Variants in UGT2B4 observed in about 807,000 individuals in gnomAD.
UGT2B4 encodes the protein UDP glucuronosyltransferase family 2 member B4, also known as UDP-glucuronosyltransferase 2B4.
UGT2B4 carries 49 observed loss-of-function variants against 49.8 expected under a neutral mutation model. That is an observed-to-expected ratio of 0.98 (90% CI 0.78 to 1.25). The LOEUF is 1.25. UGT2B4 is among the 50% of genes most tolerant of loss of function. The pLI is 0.00. For synonymous variants in UGT2B4, 246 were observed against 217.7 expected (o/e 1.13, Z -1.14); for missense variants, 729 against 627.7 (o/e 1.16, Z -1.73).
intron 5 of UGT2B4, among the ~76,000 whole-genome samples, chr4:69,481,878 G>T (rs762824616): frequency 6.6e-6 from 1 of 152,076 alleles, no homozygotes; most frequent in Non-Finnish European, 1.5e-5. Flanking sequence ...TGTTTCCCAC[G>T]CAGTAGCCAG....
At chr4:69,510,133 G>A (rs1728571113) in intron 1 of UGT2B4, among the ~76,000 whole-genome samples, 1 of 152,028 alleles carries the variant, frequency 6.6e-6, no homozygotes, top group Non-Finnish European at 1.5e-5. Flanking sequence ...AATGTACTTG[G>A]CATTCTTGTT....
At chr4:69,524,019 A>C (rs1728905668) in intron 1 of UGT2B4, among the ~76,000 whole-genome samples, 1 of 152,088 alleles carries the variant, frequency 6.6e-6, no homozygotes, top group Admixed American at 6.5e-5. Context: ...ACATATTCAA[A>C]AGAGCTAGAG....
upstream of UGT2B4, among the ~76,000 whole-genome samples, chr4:69,499,580 C>T (rs113740790): frequency 1.8e-4 from 27 of 152,264 alleles, 1 homozygote; most frequent in African/African-American, 6.0e-4. Context: ...GGATAGTTAG[C>T]TCTTCTTGTT....
chr4:69,493,908 G>T (rs1728070138), intron 1 of UGT2B4, 67 bp from the exon 2 acceptor site: 1 of 1,533,474 alleles, frequency 6.5e-7, no homozygotes, highest in South Asian at 1.3e-5. Context: ...TTTTCTGAAA[G>T]AAGTTAGAAT....
chr4:69,507,672 C>T (rs1453439050), intron 1 of UGT2B4, among the ~76,000 whole-genome samples: 1 of 152,116 alleles, frequency 6.6e-6, no homozygotes, highest in Non-Finnish European at 1.5e-5. Flanking sequence ...AACACTAGAA[C>T]TGGATCCCGT....
intron 5 of UGT2B4, among the ~76,000 whole-genome samples, chr4:69,484,535 C>T (rs1477054808): frequency 6.6e-6 from 1 of 151,982 alleles, no homozygotes; most frequent in Non-Finnish European, 1.5e-5. Context: ...AAGTCATTTA[C>T]ACATCATAAA....
chr4:69,514,434 A>G (rs1348231594), intron 1 of UGT2B4, among the ~76,000 whole-genome samples: 1 of 152,076 alleles, frequency 6.6e-6, no homozygotes, highest in Non-Finnish European at 1.5e-5. Context: ...CTCTCTTCCT[A>G]TTGGAATACC....
intron 1 of UGT2B4, among the ~76,000 whole-genome samples, chr4:69,516,400 A>G (rs770931963): frequency 6.6e-6 from 1 of 152,144 alleles, no homozygotes; most frequent in Non-Finnish European, 1.5e-5. Flanking sequence ...TCTTTGAGGA[A>G]TTGCCTCACT....
intron 1 of UGT2B4, among the ~76,000 whole-genome samples, chr4:69,511,138 C>T (rs753026558): frequency 7.9e-5 from 12 of 151,722 alleles, no homozygotes; most frequent in Non-Finnish European, 1.5e-4. Flanking sequence ...ATTACAAGTG[C>T]ATGCCACCAC....
At chr4:69,486,245 T>C (rs1427252232) in intron 4 of UGT2B4, among the ~76,000 whole-genome samples, 1 of 152,146 alleles carries the variant, frequency 6.6e-6, no homozygotes, top group Non-Finnish European at 1.5e-5. Flanking sequence ...TCCCTGGTGA[T>C]AGCAGAAGAG....
Position 69,486,649 on chromosome 4 carries a change from A to G in UGT2B4, c.1050T>C (p.Asn350=). Residue 350 remains asparagine (N), a synonymous_variant, in exon 4 of 6, where the codon AAT becomes AAC. Coordinates refer to ENST00000305107, the MANE Select transcript of UGT2B4 (RefSeq NM_021139.3). ...DGNKPDTLGL[N]TRLYKWIPQN... Reference sequence around the variant, plus strand: ...GGGGTATCCACTTGTACAGCCGAGTATTGAGTCCTAAAGTATCTGGTTTAT... The same window carrying G: ...GGGGTATCCACTTGTACAGCCGAGTGTTGAGTCCTAAAGTATCTGGTTTAT... The G allele has an allele frequency of 3.1e-6, 5 of 1,609,194 alleles. No homozygotes were observed. In the Middle Eastern group the frequency reaches 6.6e-4, roughly 213 times the overall value.
chr4:69,517,859 C>G (rs1412178294), intron 1 of UGT2B4: 2 of 171,884 alleles, frequency 1.2e-5, no homozygotes, highest in Non-Finnish European at 2.9e-5. Context: ...GAGCTTCACT[C>G]AATATTGCCA....
intron 1 of UGT2B4, among the ~76,000 whole-genome samples, chr4:69,511,268 G>A (rs946908882): frequency 6.6e-6 from 1 of 152,032 alleles, no homozygotes; most frequent in Non-Finnish European, 1.5e-5. Context: ...GGGATTACAG[G>A]CTTGAGCCAC....
intron 1 of UGT2B4, among the ~76,000 whole-genome samples, chr4:69,521,590 C>T (rs1173475900): frequency 6.6e-6 from 1 of 152,218 alleles, no homozygotes; most frequent in Non-Finnish European, 1.5e-5. Context: ...TCTACACATG[C>T]CTCAGTACTT....
rs377321777 is a variant in UGT2B4, at chr4:69,495,424, A to G, written c.438T>C (p.Asp146=). Residue 146 remains aspartate (D), a synonymous_variant, in exon 1 of 6, where the codon GAT becomes GAC. Coordinates refer to ENST00000305107, the MANE Select transcript of UGT2B4 (RefSeq NM_021139.3). Reference sequence around the variant, plus strand: ...GGAAAACAGCATCTGCAAGAACAACATCAAATCTTGACTCCTGTAGTTTCT... The same window carrying G: ...GGAAAACAGCATCTGCAAGAACAACGTCAAATCTTGACTCCTGTAGTTTCT... ...LMKKLQESRF[D]VVLADAVFPF... 568 of 1,613,974 alleles carry G rather than the reference A, an allele frequency of 3.5e-4. 2 individuals carry two copies. Among genetic ancestry groups the G allele is most frequent in the Middle Eastern group, 3.0e-3 (18 of 6,058 alleles).
At chr4:69,510,378 A>T (rs1254882810) in intron 1 of UGT2B4, among the ~76,000 whole-genome samples, 1 of 152,182 alleles carries the variant, frequency 6.6e-6, no homozygotes, top group Non-Finnish European at 1.5e-5. Flanking sequence ...GAATTTAAAA[A>T]TAATATCTAA....
In UGT2B4 at chr4:69,485,121, G is replaced by A. The variant is rs551487764; in HGVS notation, c.1310+87C>T. On this transcript the variant is annotated intron_variant, in intron 5 of 5. Transcript: ENST00000305107. ...CACTTAAATTCTTTCGAAATCAGTC[G>A]CTTATAAAAAGGATAAAAGTCATAC... 2.5e-5 allele frequency: 36 copies of A among 1,439,456 alleles called. No homozygotes were observed. In the South Asian group the frequency reaches 2.8e-4, roughly 11 times the overall value. The allele number at this position is 1,439,456 out of a possible 1,614,324, so 89.2% of individuals were successfully genotyped here. A position where few individuals can be genotyped will look rare whatever the true frequency, so the allele number is the denominator to read the frequency against.
At chr4:69,521,840 A>T (rs2109835001) in intron 1 of UGT2B4, among the ~76,000 whole-genome samples, 1 of 152,334 alleles carries the variant, frequency 6.6e-6, no homozygotes, top group South Asian at 2.1e-4. Flanking sequence ...AAATTCTATA[A>T]AGCAGGAATT....
In UGT2B4 at chr4:69,503,258, AG is replaced by A. The variant is rs1040595852; in HGVS notation, c.-105-7293del. Among the ~76,000 whole-genome samples the A allele has an allele frequency of 1.5e-4, 23 of 152,142 alleles. 1 individual carries two copies. Among genetic ancestry groups the A allele is most frequent in the Admixed American group, 6.5e-5 (1 of 15,270 alleles). On this transcript the variant is annotated intron_variant, in intron 1 of 1. Transcript: ENST00000510114. Reference sequence around the variant, plus strand: ...CCCCAGCCTGGCCATGACTGCTTACAGGGTAGTCTTTGGTGCCCTGGGGGCT... The same window carrying A: ...CCCCAGCCTGGCCATGACTGCTTACAGGTAGTCTTTGGTGCCCTGGGGGCT...
Sources: gnomAD v4.1 joint callset for allele counts (sites outside exome capture counted in the v4.1 genomes callset) on GRCh38, gnomAD v4.1.1 for gene constraint, MANE v1.5 for transcripts, NCBI Gene and HGNC (gene_info 2026-07-23, HGNC 2026-07-21) for gene names.